The following HAUS3 variants were observed in gnomAD, a reference collection of about 807,000 sequenced individuals.
HAUS3 encodes HAUS augmin like complex subunit 3.
In HAUS3, 36 loss-of-function variants were observed where a neutral mutation model predicts 55.2. The observed-to-expected ratio is 0.65, with a 90% CI of 0.50 to 0.86. The LOEUF (loss-of-function observed/expected upper bound fraction) is 0.86. Ranked by LOEUF, HAUS3 falls within the 40% of genes least tolerant of loss-of-function variation. The probability of loss-of-function intolerance (pLI) is 0.00; values close to 1 mark genes in which losing one functional copy is unlikely to be tolerated. For synonymous variants in HAUS3, 234 were observed against 238.6 expected (o/e 0.98, Z 0.18); for missense variants, 752 against 671.5 (o/e 1.12, Z -1.33).
intron 5 of HAUS3, among the ~76,000 whole-genome samples, chr4:2,233,495 A>G (rs1734655489): frequency 6.6e-6 from 1 of 152,170 alleles, no homozygotes; most frequent in African/African-American, 2.4e-5. Flanking sequence ...CAAGAACATC[A>G]TATGATTGTT....
Position 2,241,016 on chromosome 4 carries a change from A to G in HAUS3, c.-70T>C, listed in dbSNP as rs1734967753. The G allele has an allele frequency of 8.2e-7, 1 of 1,216,816 alleles. No homozygotes were observed. The highest frequency in any genetic ancestry group is 1.5e-5 in the African/African-American group (1 of 65,394). 75.4% of individuals were successfully genotyped at this position (1,216,816 alleles called of 1,614,324 possible). A position where few individuals can be genotyped will look rare whatever the true frequency, so the allele number is the denominator to read the frequency against. On this transcript the variant is annotated 5_prime_UTR_variant, in exon 3 of 6. Coordinates refer to ENST00000443786, the MANE Select transcript of HAUS3 (RefSeq NM_001303143.2). ...GTGTTGATTTTTAGAAAATAAATCCAAGCAGAAAAAAAGCTACGTTTTATA... is the reference window on the plus strand; with the variant it reads ...GTGTTGATTTTTAGAAAATAAATCCGAGCAGAAAAAAAGCTACGTTTTATA...
rs565711382 is a variant in HAUS3 at position 2,239,955 on chromosome 4, C to G, written c.909+83G>C. 4.5e-5 allele frequency: 47 copies of G among 1,053,980 alleles called. No homozygotes were observed. In the East Asian group the frequency reaches 1.1e-3, roughly 24 times the overall value. The allele number at this position is 1,053,980 out of a possible 1,614,324, so 65.3% of individuals were successfully genotyped here. On this transcript the variant is annotated intron_variant, in intron 3 of 5. Coordinates refer to ENST00000443786, the MANE Select transcript of HAUS3 (RefSeq NM_001303143.2). The stretch of plus-strand genomic sequence containing the variant: ...GTAATCTCTTCTCAGATGCACCATT[C>G]TAAAGTACTTTAACAGCAATATTAT...
rs1277752757 is a variant in HAUS3 at position 2,240,497 on chromosome 4, C to A, written c.450G>T (p.Gln150His). The A allele has an allele frequency of 6.2e-7, 1 of 1,613,894 alleles. No individual in the cohort carries two copies. ...TCATTGCATTTAGAATTCCTTGACT[C>A]TGCTTCAGCTTTTTAGTGGCTTCTT... is the stretch of plus-strand genomic sequence containing the variant. ...KEEEATKKLK[Q>H]SQGILNAMIT... The change falls in exon 3 of 6, where the codon CAG (glutamine) becomes CAT (histidine). Residue 150 changes from glutamine (Q) to histidine (H), a missense_variant. Gln to His is a conservative substitution (Grantham distance 24). Transcript: ENST00000443786.
Position 2,232,016 on chromosome 4 carries a change from A to G in HAUS3, c.1723T>C (p.Tyr575His), listed in dbSNP as rs753160850. ...AGATAATCTTCATCTTTTAAAAAATATACATAGAATTCTCTTTCCATTTGA... is the reference window on the plus strand; with the variant it reads ...AGATAATCTTCATCTTTTAAAAAATGTACATAGAATTCTCTTTCCATTTGA... Reference protein sequence around the residue: ...LHQMEREFYVYFLKDEDYLKD... With the variant: ...LHQMEREFYVHFLKDEDYLKD... Residue 575 changes from tyrosine (Y) to histidine (H), a missense_variant, in exon 6 of 6, where the codon TAT (tyrosine) becomes CAT (histidine). Coordinates refer to ENST00000443786, the MANE Select transcript of HAUS3 (RefSeq NM_001303143.2). The G allele has an allele frequency of 6.6e-7, 1 of 1,505,886 alleles. No individual in the cohort carries two copies. Among genetic ancestry groups the G allele is most frequent in the South Asian group, 1.2e-5 (1 of 85,596 alleles). The allele number at this position is 1,505,886 out of a possible 1,614,324, so 93.3% of individuals were successfully genotyped here.
At chr4:2,237,899 T>G (rs555872280) in intron 4 of HAUS3, among the ~76,000 whole-genome samples, 9 of 152,320 alleles carry the variant, frequency 5.9e-5, no homozygotes, top group Non-Finnish European at 1.3e-4. Context: ...ATTAGTCTTA[T>G]AGATGTAACT....
intron 4 of HAUS3, among the ~76,000 whole-genome samples, 160 bp downstream of exon 4, chr4:2,238,444 T>TG (rs563616710): frequency 7.3e-4 from 92 of 126,568 alleles, no homozygotes; most frequent in Non-Finnish European, 1.3e-3. Context: ...AAACTAAAAA[T>TG]GAAAAAAAAA....
At chr4:2,233,155 C>A (rs557060608) in intron 5 of HAUS3, among the ~76,000 whole-genome samples, 1 of 152,182 alleles carries the variant, frequency 6.6e-6, no homozygotes, top group Admixed American at 6.5e-5. Flanking sequence ...CAAGTAATTT[C>A]GACATTATAT....
Position 2,241,774 on chromosome 4 carries a change from T to C in HAUS3, c.-402A>G. 1 of 985,458 alleles carries C rather than the reference T, an allele frequency of 1.0e-6. No individual in the cohort carries two copies. Among genetic ancestry groups the C allele is most frequent in the Non-Finnish European group, 1.2e-6 (1 of 829,944 alleles). The allele number at this position is 985,458 out of a possible 1,614,324, so 61.0% of individuals were successfully genotyped here. On this transcript the variant is annotated 5_prime_UTR_variant, in exon 2 of 6. Coordinates refer to ENST00000443786, the MANE Select transcript of HAUS3 (RefSeq NM_001303143.2). ...ACCTTCCTTCGGAGGGTCACCCAGC[T>C]GTGACACCTAAGCACGCTGACAAAA... is the stretch of plus-strand genomic sequence containing the variant.
In HAUS3 at chr4:2,229,333, C is replaced by T; in HGVS notation, c.*2594G>A. 3 of 1,016,984 alleles carry T rather than the reference C, an allele frequency of 2.9e-6. No individual in the cohort carries two copies. The highest frequency in any genetic ancestry group is 2.9e-5 in the East Asian group (1 of 34,682). 63.0% of individuals were successfully genotyped at this position (1,016,984 alleles called of 1,614,324 possible). A position where few individuals can be genotyped will look rare whatever the true frequency, so the allele number is the denominator to read the frequency against. On this transcript the variant is annotated 3_prime_UTR_variant, in exon 6 of 6. Transcript: ENST00000443786. The stretch of plus-strand genomic sequence containing the variant: ...ACAATTATTTTCAAAAATTTATATA[C>T]CAACTTTCATTTAAAATGTCTATAT...
chr4:2,240,214 T>C lies in HAUS3; in HGVS notation c.733A>G (p.Thr245Ala), dbSNP rs1377967686. ...EDNFQLLDIQ[T>A]PSICDNQEIL... is the part of the protein sequence containing the mutation. ...TCTTGATTATCACAAATAGATGGTG[T>C]CTGTATATCTAAAAGTTGAAAATTG... Residue 245 changes from threonine to alanine, a missense_variant, in exon 3 of 6, where the codon ACA becomes GCA. By Grantham distance (58) the Thr-to-Ala change is moderately conservative. Coordinates refer to ENST00000443786, the MANE Select transcript of HAUS3 (RefSeq NM_001303143.2). 1.9e-6 allele frequency: 3 copies of C among 1,613,718 alleles called. No individual in the cohort carries two copies. Among genetic ancestry groups the C allele is most frequent in the Non-Finnish European group, 2.5e-6 (3 of 1,179,834 alleles).
At chr4:2,239,348 G>A (rs1452495505) in intron 3 of HAUS3, among the ~76,000 whole-genome samples, 1 of 152,112 alleles carries the variant, frequency 6.6e-6, no homozygotes, top group Non-Finnish European at 1.5e-5. Flanking sequence ...CTGAATCCAA[G>A]TATATGTTAC....
At chr4:2,239,583 C>T (rs1237269919) in intron 3 of HAUS3, among the ~76,000 whole-genome samples, 4 of 152,278 alleles carry the variant, frequency 2.6e-5, no homozygotes, top group African/African-American at 9.6e-5. Context: ...CAGACATCTG[C>T]AATACATCTA....
At chr4:2,241,817 C>G in intron 1 of HAUS3, 27 bp from the exon 2 acceptor site, 1 of 985,452 alleles carries the variant, frequency 1.0e-6, no homozygotes, top group African/African-American at 1.7e-5. Context: ...ACAAGCCCAC[C>G]GAATCGCCGT....
chr4:2,240,003 T>A, intron 3 of HAUS3, 35 bp downstream of exon 3: 1 of 1,518,102 alleles, frequency 6.6e-7, no homozygotes, highest in Non-Finnish European at 9.1e-7. Flanking sequence ...TAACAATAAT[T>A]ACAATGTGAA....
At position 2,240,125 on chromosome 4, in the gene HAUS3, A is replaced by T; in HGVS notation, c.822T>A (p.His274Gln). The change falls in exon 3 of 6, where the codon CAT (histidine) becomes CAA (glutamine). Residue 274 changes from histidine to glutamine, a missense_variant. Physicochemically the swap from His to Gln is conservative, Grantham distance 24 (BLOSUM62 0). Transcript: ENST00000443786. ...RLQLAYICAQ[H>Q]QLIHLKASNS... ...TACTTGCTTTTAAGTGAATTAACTG[A>T]TGTTGAGCACAAATGTATGCGAGCT... 1 of 1,614,026 alleles carries T rather than the reference A, an allele frequency of 6.2e-7. No homozygotes were observed. The highest frequency in any genetic ancestry group is 2.2e-5 in the East Asian group (1 of 44,880).
Position 2,238,872 on chromosome 4 carries a change from C to G in HAUS3, c.1081G>C (p.Ala361Pro). The G allele has an allele frequency of 6.2e-7, 1 of 1,613,142 alleles. No individual in the cohort carries two copies. Among genetic ancestry groups the G allele is most frequent in the African/African-American group, 1.3e-5 (1 of 74,980 alleles). Residue 361 changes from alanine (A) to proline (P), a missense_variant, in exon 4 of 6, where the codon GCT (alanine) becomes CCT (proline). Ala to Pro is a conservative substitution (Grantham distance 27). Coordinates refer to ENST00000443786, the MANE Select transcript of HAUS3 (RefSeq NM_001303143.2). ...VVKGDFDLQI[A>P]KQDYYTARQE... Reference sequence around the variant, plus strand: ...CTTGCTGTATAATAATCTTGTTTAGCAATCTGCAGATCAAAATCTCCCTTT... The same window carrying G: ...CTTGCTGTATAATAATCTTGTTTAGGAATCTGCAGATCAAAATCTCCCTTT...
rs55765861 is a variant in HAUS3, at chr4:2,241,472, G to A, written c.-148+48C>T. ...CTTCCCTGCCCTCCGTACGTAAGAA[G>A]ACGCAAATAAGCATGGCACATCTTC... is the stretch of plus-strand genomic sequence containing the variant. On this transcript the variant is annotated intron_variant, in intron 2 of 5. Coordinates refer to ENST00000443786, the MANE Select transcript of HAUS3 (RefSeq NM_001303143.2). 490 of 984,310 alleles carry A rather than the reference G, an allele frequency of 5.0e-4. 2 individuals carry two copies. In the African/African-American group the frequency reaches 7.7e-3, roughly 15 times the overall value. 61.0% of individuals were successfully genotyped at this position (984,310 alleles called of 1,614,324 possible).
In HAUS3 at chr4:2,229,024, T is replaced by G; in HGVS notation, c.*2903A>C. On this transcript the variant is annotated 3_prime_UTR_variant, in exon 6 of 6. Transcript: ENST00000443786. ...GCTTCATCTGTCTACATGCATTCCA[T>G]TTTCAATTCTTAGTCTTTAGAACAA... The G allele has an allele frequency of 7.0e-7, 1 of 1,430,546 alleles. No homozygotes were observed. The highest frequency in any genetic ancestry group is 9.6e-7 in the Non-Finnish European group (1 of 1,046,764). 88.6% of individuals were successfully genotyped at this position (1,430,546 alleles called of 1,614,324 possible).
Position 2,240,596 on chromosome 4 carries a change from A to C in HAUS3, c.351T>G (p.Ile117Met), listed in dbSNP as rs757846739. The change falls in exon 3 of 6, where the codon ATT becomes ATG. Residue 117 changes from isoleucine to methionine, a missense_variant. By Grantham distance (10) the Ile-to-Met change is conservative. Transcript: ENST00000443786. ...TCAATTGACATTTATTACGTCGCTG[A>C]ATTTTTAGGTTCTTTAATTTCAGTA... ...QTLLKLKNLK[I>M]QRRNKCQLMA... is the part of the protein sequence containing the mutation. The C allele has an allele frequency of 2.0e-5, 32 of 1,612,358 alleles. No homozygotes were observed. In the African/African-American group the frequency reaches 2.5e-4, roughly 13 times the overall value.
Sources: allele counts gnomAD v4.1 joint callset (sites outside exome capture counted in the v4.1 genomes callset), GRCh38; gene constraint gnomAD v4.1.1; transcripts MANE v1.5; gene names NCBI Gene and HGNC (gene_info 2026-07-23, HGNC 2026-07-21).